CSMD3: variants seen among roughly 807,000 people sequenced by gnomAD.
CSMD3 encodes CUB and Sushi multiple domains 3.
CSMD3 carries 177 observed loss-of-function variants against 435.2 expected under a neutral mutation model. The ratio of observed to expected loss-of-function variants is 0.41; its 90% CI spans 0.36 to 0.46. The LOEUF (loss-of-function observed/expected upper bound fraction) is 0.46, where lower values mean the gene tolerates loss of function less well. CSMD3 is among the 20% of genes least tolerant of loss of function. The probability of loss-of-function intolerance (pLI) is 0.34; values close to 1 mark genes in which losing one functional copy is unlikely to be tolerated. For synonymous variants in CSMD3, 1,656 were observed against 1,520.5 expected, an observed-to-expected ratio of 1.09 and a Z score of -2.07; for missense variants, 4,265 against 4,504.6, an observed-to-expected ratio of 0.95 and a Z score of 1.52.
intron 2 of CSMD3, among the ~76,000 whole-genome samples, chr8:113,304,049 A>C (rs2093797356): frequency 7.2e-6 from 1 of 138,754 alleles, no homozygotes; most frequent in Admixed American, 8.1e-5. Context: ...TCTACAATGA[A>C]CTCAAACAAA....
chr8:112,766,771 AG>A (rs907743196), intron 13 of CSMD3, among the ~76,000 whole-genome samples: 2 of 151,884 alleles, frequency 1.3e-5, no homozygotes, highest in African/African-American at 4.8e-5. Context: ...GCAGCAGCAG[AG>A]AAACAGAACT....
chr8:112,598,473 C>T (rs1345675314), intron 22 of CSMD3, among the ~76,000 whole-genome samples: 4 of 148,408 alleles, frequency 2.7e-5, no homozygotes, highest in African/African-American at 7.5e-5. Flanking sequence ...AATGCCATCC[C>T]CATAAAGCTA....
chr8:112,758,429 A>C (rs2077756959), intron 13 of CSMD3, among the ~76,000 whole-genome samples: 1 of 152,152 alleles, frequency 6.6e-6, no homozygotes, highest in African/African-American at 2.4e-5. Context: ...TTCTTAGCAT[A>C]TATCTAATTT....
chr8:112,812,066 G>A (rs2079242259), intron 12 of CSMD3, among the ~76,000 whole-genome samples: 4 of 152,082 alleles, frequency 2.6e-5, no homozygotes. Flanking sequence ...CCCACACCAG[G>A]AATATTAGGT....
At chr8:112,349,330 T>C (rs1825940225) in intron 40 of CSMD3, among the ~76,000 whole-genome samples, 1 of 152,058 alleles carries the variant, frequency 6.6e-6, no homozygotes, top group African/African-American at 2.4e-5. Flanking sequence ...GTATGAGAAA[T>C]TCTTACACGT....
chr8:113,317,744 G>T (rs185945413), intron 1 of CSMD3, among the ~76,000 whole-genome samples: 1 of 151,932 alleles, frequency 6.6e-6, no homozygotes, highest in South Asian at 2.1e-4. Flanking sequence ...TTTTAATAGC[G>T]CAGTGTTTTT....
intron 1 of CSMD3, among the ~76,000 whole-genome samples, chr8:113,352,458 C>CACAGA: frequency 6.6e-6 from 1 of 152,130 alleles, no homozygotes; most frequent in Middle Eastern, 3.4e-3. Flanking sequence ...TCAGACTTGG[C>CACAGA]CTCCAGAACT....
chr8:113,019,915 G>A (rs903281344), intron 5 of CSMD3, among the ~76,000 whole-genome samples: 1 of 151,952 alleles, frequency 6.6e-6, no homozygotes, highest in African/African-American at 2.4e-5. Flanking sequence ...TGTAATCCCA[G>A]CACTTTGGGA....
At chr8:113,019,349 T>C (rs1297863619) in intron 5 of CSMD3, among the ~76,000 whole-genome samples, 170 bp from the exon 6 acceptor site, 1 of 152,108 alleles carries the variant, frequency 6.6e-6, no homozygotes, top group East Asian at 1.9e-4. Flanking sequence ...AATCACAGAA[T>C]AGTGCAATTC....
In CSMD3 at chr8:112,880,907, T is replaced by C. The variant is rs192443205; in HGVS notation, c.1634-21641A>G. On this transcript the variant is annotated intron_variant, in intron 10 of 70. Transcript: ENST00000297405. ...GTCTTATAACTTTTCTCATATACTA[T>C]AAAATCCTTAAAAATGTAGCTGTTT... Among the ~76,000 whole-genome samples, 24 of 152,172 alleles carry C rather than the reference T, an allele frequency of 1.6e-4. 1 individual carries two copies. Among genetic ancestry groups the C allele is most frequent in the African/African-American group, 5.5e-4 (23 of 41,544 alleles).
intron 22 of CSMD3, among the ~76,000 whole-genome samples, chr8:112,606,963 T>G (rs1471161735): frequency 2.2e-5 from 1 of 44,936 alleles, no homozygotes; most frequent in Non-Finnish European, 4.0e-5. Flanking sequence ...ACTTTACCCC[T>G]CAAGCTATGA....
chr8:112,431,285 C>A (rs1181190663), intron 32 of CSMD3, among the ~76,000 whole-genome samples: 1 of 151,798 alleles, frequency 6.6e-6, no homozygotes, highest in African/African-American at 2.4e-5. Context: ...ATCAATTATA[C>A]TTTTTGAATT....
intron 23 of CSMD3, among the ~76,000 whole-genome samples, chr8:112,576,578 G>A (rs780236439): frequency 8.6e-5 from 13 of 151,360 alleles, no homozygotes; most frequent in Non-Finnish European, 1.9e-4. Context: ...TGCCCATGCT[G>A]GAGTGCAATG....
At chr8:113,436,533 G>T (rs2094707078) in intron 1 of CSMD3, 144 bp downstream of exon 1, 1 of 826,692 alleles carries the variant, frequency 1.2e-6, no homozygotes, top group Admixed American at 1.8e-5. Context: ...ATCTGAGGGG[G>T]GGAGAACGAG....
intron 5 of CSMD3, among the ~76,000 whole-genome samples, chr8:113,062,675 T>C (rs981438367): frequency 2.6e-5 from 4 of 151,820 alleles, no homozygotes; most frequent in African/African-American, 9.7e-5. Flanking sequence ...AAATATTACA[T>C]ATTTACTTTA....
At chr8:112,585,001 T>C (rs1830611728) in intron 23 of CSMD3, among the ~76,000 whole-genome samples, 1 of 151,566 alleles carries the variant, frequency 6.6e-6, no homozygotes, top group Admixed American at 6.6e-5. Flanking sequence ...TAACTAAATG[T>C]TTCCATGTCA....
At chr8:113,376,802 G>A (rs1191938331) in intron 1 of CSMD3, 60 of 1,613,708 alleles carry the variant, frequency 3.7e-5, no homozygotes, top group Non-Finnish European at 5.0e-5. Flanking sequence ...ACATTCAACC[G>A]GGTTGTGCTG....
intron 6 of CSMD3, among the ~76,000 whole-genome samples, chr8:113,002,068 C>T (rs745445766): frequency 6.6e-6 from 1 of 152,114 alleles, no homozygotes; most frequent in Non-Finnish European, 1.5e-5. Flanking sequence ...TCTTAGCTGG[C>T]TTGTAGAAGT....
intron 10 of CSMD3, among the ~76,000 whole-genome samples, chr8:112,860,824 T>C (rs999432746): frequency 6.1e-4 from 93 of 151,990 alleles, no homozygotes; most frequent in African/African-American, 2.2e-3. Flanking sequence ...GACCCTTAAG[T>C]AGCATAATTC....
Sources: allele counts gnomAD v4.1 joint callset (sites outside exome capture counted in the v4.1 genomes callset), GRCh38; gene constraint gnomAD v4.1.1; transcripts MANE v1.5; gene names NCBI Gene and HGNC (gene_info 2026-07-23, HGNC 2026-07-21).